Variants in TULP4 observed in about 807,000 individuals in gnomAD.
TULP4 encodes TUB like protein 4.
TULP4 carries 16 observed loss-of-function variants against 129.0 expected under a neutral mutation model. That is an observed-to-expected ratio of 0.12 (90% CI 0.08 to 0.19). TULP4 has a LOEUF of 0.19. TULP4 is among the 10% of genes least tolerant of loss of function. The pLI is 1.00. For missense variants in TULP4, 1,842 were observed against 2,059.1 expected, an observed-to-expected ratio of 0.89 and a Z score of 2.04; for synonymous variants, 998 against 854.0, an observed-to-expected ratio of 1.17 and a Z score of -2.94.
At chr6:158,454,898 ACC>A (rs1779258523) in intron 5 of TULP4, among the ~76,000 whole-genome samples, 1 of 151,176 alleles carries the variant, frequency 6.6e-6, no homozygotes, top group Non-Finnish European at 1.5e-5. Flanking sequence ...GAGCCACCAT[ACC>A]CATCCTGGAG....
chr6:158,325,784 A>G (rs1390862300), intron 1 of TULP4, among the ~76,000 whole-genome samples: 1 of 152,130 alleles, frequency 6.6e-6, no homozygotes, highest in Non-Finnish European at 1.5e-5. Context: ...TGGCTTATCT[A>G]TTTTTATACC....
chr6:158,435,794 T>A (rs908222373), intron 3 of TULP4, among the ~76,000 whole-genome samples: 2 of 152,108 alleles, frequency 1.3e-5, no homozygotes, highest in Admixed American at 1.3e-4. Flanking sequence ...CTTAGCTTCC[T>A]CTCCCCCCTG....
intron 1 of TULP4, among the ~76,000 whole-genome samples, chr6:158,252,577 C>G (rs556364515): frequency 6.6e-6 from 1 of 152,002 alleles, no homozygotes; most frequent in African/African-American, 2.4e-5. Context: ...GGTTTCACCA[C>G]GTTGGCCAGG....
In TULP4 at chr6:158,502,221, C is replaced by T. The variant is rs768954306; in HGVS notation, c.2558C>T (p.Pro853Leu). The part of the protein sequence containing the change: ...AAPTTAAPPP[P>L]LPPPQPPVDV... ...CCCACCACAGCAGCACCCCCGCCCCCTCTGCCGCCCCCACAGCCCCCAGTG... is the reference window on the plus strand; with the variant it reads ...CCCACCACAGCAGCACCCCCGCCCCTTCTGCCGCCCCCACAGCCCCCAGTG... The change falls in exon 13 of 14, where the codon CCT becomes CTT. Residue 853 changes from proline to leucine, a missense_variant. Coordinates refer to ENST00000367097, the MANE Select transcript of TULP4 (RefSeq NM_020245.5). 6.5e-7 allele frequency: 1 copy of T among 1,537,614 alleles called. No individual in the cohort carries two copies. The highest frequency in any genetic ancestry group is 1.9e-5 in the Admixed American group (1 of 54,014).
intron 1 of TULP4, among the ~76,000 whole-genome samples, chr6:158,380,626 GGC>G (rs1777298135): frequency 6.6e-6 from 1 of 152,096 alleles, no homozygotes; most frequent in Non-Finnish European, 1.5e-5. Context: ...CAGGCATGGT[GGC>G]TCACGCCTGT....
intron 13 of TULP4, among the ~76,000 whole-genome samples, chr6:158,505,142 G>A (rs1210971786): frequency 6.6e-6 from 1 of 152,188 alleles, no homozygotes; most frequent in Non-Finnish European, 1.5e-5. Context: ...GTTATCTCAT[G>A]GTGCAGCTGA....
intron 2 of TULP4, among the ~76,000 whole-genome samples, chr6:158,426,980 C>A (rs192041272): frequency 6.6e-6 from 1 of 152,072 alleles, no homozygotes. Context: ...CTTTTTGTTT[C>A]AGTTGTGAAT....
chr6:158,354,884 T>G (rs1583788205), intron 1 of TULP4, among the ~76,000 whole-genome samples: 1 of 78,520 alleles, frequency 1.3e-5, no homozygotes, highest in African/African-American at 5.9e-5. Context: ...CAAGACCCCA[T>G]CTCAAAAAAA....
chr6:158,395,040 T>TG (rs753729751), intron 1 of TULP4, among the ~76,000 whole-genome samples: 2 of 152,030 alleles, frequency 1.3e-5, no homozygotes, highest in Non-Finnish European at 2.9e-5. Flanking sequence ...CTCACTGTCA[T>TG]GGGAACAGCA....
At chr6:158,398,084 T>C (rs1350957296) in intron 1 of TULP4, 2 of 152,220 alleles carry the variant, frequency 1.3e-5, no homozygotes, top group African/African-American at 4.8e-5. Context: ...ACAGGATAGA[T>C]ACAGATGTTT....
intron 1 of TULP4, among the ~76,000 whole-genome samples, chr6:158,382,316 T>TGAGAA (rs1244585757): frequency 6.6e-6 from 1 of 152,140 alleles, no homozygotes; most frequent in African/African-American, 2.4e-5. Context: ...TTTACCTCCT[T>TGAGAA]GAGAAGTAGA....
intron 1 of TULP4, among the ~76,000 whole-genome samples, chr6:158,384,194 T>G (rs943564623): frequency 6.6e-6 from 1 of 152,232 alleles, no homozygotes; most frequent in Non-Finnish European, 1.5e-5. Flanking sequence ...GCCAATTCTT[T>G]TATTCATTTT....
At chr6:158,241,985 C>G (rs1247420221) in intron 1 of TULP4, 5 of 882,302 alleles carry the variant, frequency 5.7e-6, no homozygotes, top group Non-Finnish European at 9.8e-6. Flanking sequence ...TTCTTGGAGT[C>G]AAAGACATTT....
At chr6:158,235,479 A>C (rs570368381) in intron 1 of TULP4, among the ~76,000 whole-genome samples, 1 of 152,116 alleles carries the variant, frequency 6.6e-6, no homozygotes, top group Non-Finnish European at 1.5e-5. Context: ...GGGTTCATCC[A>C]TGTTATAGCA....
At chr6:158,329,109 A>G (rs1779817296) in intron 1 of TULP4, among the ~76,000 whole-genome samples, 1 of 152,116 alleles carries the variant, frequency 6.6e-6, no homozygotes, top group Non-Finnish European at 1.5e-5. Flanking sequence ...ACACCTGTGC[A>G]TTTTGCCCAA....
At chr6:158,437,657 T>C (rs1329644235) in intron 3 of TULP4, 1 of 152,256 alleles carries the variant, frequency 6.6e-6, no homozygotes, top group Non-Finnish European at 1.5e-5. Flanking sequence ...GATACTCATA[T>C]GCAGGTAAAC....
At chr6:158,261,740 G>A (rs1229383032) in intron 1 of TULP4, among the ~76,000 whole-genome samples, 2 of 152,162 alleles carry the variant, frequency 1.3e-5, no homozygotes, top group Admixed American at 1.3e-4. Flanking sequence ...GCGTGGGCTG[G>A]TTGCATGGCT....
At chr6:158,492,277 G>T (rs987422559) in intron 9 of TULP4, among the ~76,000 whole-genome samples, 3 of 152,164 alleles carry the variant, frequency 2.0e-5, no homozygotes, top group African/African-American at 7.2e-5. Flanking sequence ...GATGTCTTTG[G>T]TTACCTAAGG....
intron 1 of TULP4, among the ~76,000 whole-genome samples, chr6:158,304,366 G>A (rs1241499088): frequency 6.6e-6 from 1 of 152,112 alleles, no homozygotes; most frequent in Non-Finnish European, 1.5e-5. Context: ...CCTAAAAGCA[G>A]GTATGGGTTT....
Sources: allele counts gnomAD v4.1 joint callset (sites outside exome capture counted in the v4.1 genomes callset), GRCh38; gene constraint gnomAD v4.1.1; transcripts MANE v1.5; gene names NCBI Gene and HGNC (gene_info 2026-07-23, HGNC 2026-07-21).